Variants in FANCD2OS observed in about 807,000 individuals in gnomAD.
The protein encoded by FANCD2OS is FANCD2 opposite strand.
In FANCD2OS, 11 loss-of-function variants were observed where a neutral mutation model predicts 13.2. The observed-to-expected ratio is 0.83, with a 90% confidence interval of 0.52 to 1.38. The LOEUF (loss-of-function observed/expected upper bound fraction) is 1.38. Among genes scored for constraint, FANCD2OS ranks in the 40% most tolerant of loss-of-function variants. FANCD2OS has a pLI of 0.00. For synonymous variants in FANCD2OS, 69 were observed against 84.5 expected, an observed-to-expected ratio of 0.82 and a Z score of 1.01; for missense variants, 217 against 213.9, an observed-to-expected ratio of 1.01 and a Z score of -0.09.
intron 1 of FANCD2OS, among the ~76,000 whole-genome samples, chr3:10,105,769 AAATTATATATATATATATAT>A (rs1695466959): frequency 2.1e-5 from 1 of 47,200 alleles, no homozygotes; most frequent in African/African-American, 3.2e-4. Context: ...AAAAAAAAAA[AAATTATATATATATATATAT>A]ATATATATAT....
chr3:10,090,300 T>G, intron 2 of FANCD2OS: 1 of 1,613,362 alleles, frequency 6.2e-7, no homozygotes. Flanking sequence ...AGGCATACTT[T>G]TGTTGTTTTC....
chr3:10,094,978 G>A, intron 2 of FANCD2OS: 1 of 564,412 alleles, frequency 1.8e-6, no homozygotes, highest in Non-Finnish European at 3.2e-6. Context: ...CTAAAATGCA[G>A]GTCTTATAAC....
intron 2 of FANCD2OS, among the ~76,000 whole-genome samples, chr3:10,086,607 A>T (rs1694222019): frequency 6.6e-6 from 1 of 151,852 alleles, no homozygotes; most frequent in African/African-American, 2.4e-5. Flanking sequence ...TCAGCCTCCC[A>T]AGACGCTGGG....
chr3:10,103,582 C>T (rs1041699908), downstream of FANCD2OS, among the ~76,000 whole-genome samples: 1 of 151,780 alleles, frequency 6.6e-6, no homozygotes, highest in Non-Finnish European at 1.5e-5. Context: ...CTCCAAAAAC[C>T]AAAAAAATGC....
intron 2 of FANCD2OS, among the ~76,000 whole-genome samples, chr3:10,094,011 C>G (rs780593607): frequency 6.6e-6 from 1 of 152,212 alleles, no homozygotes; most frequent in African/African-American, 2.4e-5. Context: ...GAGCTCCCCT[C>G]TACTCTATGC....
downstream of FANCD2OS, chr3:10,103,081 A>T (rs1695365471): frequency 2.3e-6 from 1 of 442,046 alleles, no homozygotes; most frequent in East Asian, 7.3e-5. Flanking sequence ...ATGTGGTGAA[A>T]CTCCATCTCT....
chr3:10,094,376 AG>A, intron 2 of FANCD2OS: 1 of 1,608,462 alleles, frequency 6.2e-7, no homozygotes. Context: ...AAGAGCTAAG[AG>A]CAGAGAACAA....
chr3:10,085,681 C>A, intron 2 of FANCD2OS: 2 of 729,468 alleles, frequency 2.7e-6, no homozygotes, highest in Non-Finnish European at 5.1e-6. Context: ...TGAGCCACCA[C>A]GCCCGACCTC....
At chr3:10,098,517 T>C (rs1695112814), downstream of FANCD2OS, among the ~76,000 whole-genome samples, 2 of 152,292 alleles carry the variant, frequency 1.3e-5, no homozygotes, top group East Asian at 3.9e-4. Context: ...CATTACTTAT[T>C]GTATCAGGGC....
At chr3:10,085,911 G>C in intron 2 of FANCD2OS, 1 of 1,610,290 alleles carries the variant, frequency 6.2e-7, no homozygotes. Flanking sequence ...AGCCTTTGGA[G>C]GAACTACTCA....
At chr3:10,088,305 TTG>T in intron 2 of FANCD2OS, 1 of 700,356 alleles carries the variant, frequency 1.4e-6, no homozygotes, top group Non-Finnish European at 2.6e-6. Context: ...TGACAGCTTT[TTG>T]TAAGTTGCCT....
At chr3:10,098,632 T>C (rs1340229423), downstream of FANCD2OS, 2 of 1,504,742 alleles carry the variant, frequency 1.3e-6, no homozygotes, top group Non-Finnish European at 1.8e-6. Context: ...ATATCTTCCT[T>C]TGTATTGCCT....
At chr3:10,089,040 T>C (rs1362388723) in intron 2 of FANCD2OS, 1 of 1,457,948 alleles carries the variant, frequency 6.9e-7, no homozygotes, top group Non-Finnish European at 9.5e-7. Context: ...CCCAGCACTT[T>C]GGGAGGCTGA....
At position 10,086,987 on chromosome 3, in the gene FANCD2OS, G is replaced by T. The variant is rs540769547; in HGVS notation, c.*44-5456C>A. On this transcript the variant is annotated intron_variant, in intron 2 of 2. Transcript: ENST00000524279. Reference sequence around the variant, plus strand: ...GTTTTCTACCAAGATGCTTGAAGAGGGTTGCTACTAAAGCACCTGAAAATA... The same window carrying T: ...GTTTTCTACCAAGATGCTTGAAGAGTGTTGCTACTAAAGCACCTGAAAATA... 3.4e-5 allele frequency: 29 copies of T among 854,748 alleles called. No homozygotes were observed. In the South Asian group the frequency reaches 3.9e-4, roughly 12 times the overall value. 52.9% of individuals were successfully genotyped at this position (854,748 alleles called of 1,614,324 possible).
At chr3:10,084,936 A>G (rs975786560) in intron 2 of FANCD2OS, among the ~76,000 whole-genome samples, 3 of 140,264 alleles carry the variant, frequency 2.1e-5, no homozygotes, top group East Asian at 2.1e-4. Flanking sequence ...GATGCAAAAA[A>G]GAACACTCAA....
Position 10,104,524 on chromosome 3 carries a change from T to A in FANCD2OS, c.251A>T (p.Asn84Ile), listed in dbSNP as rs185053200. The A allele has an allele frequency of 1.1e-3, 1,735 of 1,614,186 alleles. 11 individuals are homozygous for A. In the Admixed American group the frequency reaches 0.015, roughly 14 times the overall value. Residue 84 changes from asparagine to isoleucine, a missense_variant, in exon 2 of 2, where the codon AAC becomes ATC. By Grantham distance (149) the Asn-to-Ile change is moderately radical. Coordinates refer to ENST00000450660, the MANE Select transcript of FANCD2OS (RefSeq NM_001164839.2). ...CTGGGGCTTCCTGACCAGTCCTTTG[T>A]TGTTCATCGTGCGCAACTCTGATGT... ...CHTSELRTMN[N>I]KGLVRKPQPI...
At chr3:10,094,899 G>A in intron 2 of FANCD2OS, 1 of 428,234 alleles carries the variant, frequency 2.3e-6, no homozygotes, top group Non-Finnish European at 4.4e-6. Context: ...CCCTGAAAGA[G>A]AAAGGGAAGG....
chr3:10,092,083 G>C (rs1694645774), intron 2 of FANCD2OS: 2 of 900,870 alleles, frequency 2.2e-6, no homozygotes, highest in Admixed American at 3.4e-5. Context: ...TTAAATATCT[G>C]TATAGCTATG....
chr3:10,098,780 A>T (rs769945632), downstream of FANCD2OS: 2 of 1,614,098 alleles, frequency 1.2e-6, no homozygotes, highest in Non-Finnish European at 1.7e-6. Context: ...TGAGGATGAC[A>T]TGTCATCCCA....
Sources: allele counts gnomAD v4.1 joint callset (sites outside exome capture counted in the v4.1 genomes callset), GRCh38; gene constraint gnomAD v4.1.1; transcripts MANE v1.5; gene names NCBI Gene and HGNC (gene_info 2026-07-23, HGNC 2026-07-21).